The following TUSC3 variants were observed in gnomAD, a reference collection of about 807,000 sequenced individuals.
TUSC3 encodes the protein tumor suppressor candidate 3.
In TUSC3, 45 loss-of-function variants were observed where a neutral mutation model predicts 44.8. The ratio of observed to expected loss-of-function variants is 1.00; its 90% CI spans 0.79 to 1.29. TUSC3 has a LOEUF of 1.29. Ranked by LOEUF, TUSC3 falls within the 50% of genes most tolerant of loss-of-function variation. The pLI, the probability that TUSC3 is intolerant of heterozygous loss-of-function variation, is 0.00. For synonymous variants in TUSC3, 212 were observed against 152.9 expected (o/e 1.39, Z -2.85); for missense variants, 519 against 437.9 (o/e 1.19, Z -1.65).
intron 1 of TUSC3, among the ~76,000 whole-genome samples, chr8:15,474,061 G>T (rs145133124): frequency 3.3e-5 from 5 of 151,884 alleles, no homozygotes; most frequent in African/African-American, 1.2e-4. Flanking sequence ...TCTTCCCCAC[G>T]GTATTAATTA....
intron 1 of TUSC3, among the ~76,000 whole-genome samples, chr8:15,581,904 C>CATCA (rs1563301707): frequency 4.9e-4 from 71 of 143,716 alleles, no homozygotes; most frequent in African/African-American, 1.9e-3. Context: ...GCCCCTCCCC[C>CATCA]AGCCTCGCTG....
At chr8:15,783,874 ATCT>A in the TUSC3 span, among the ~76,000 whole-genome samples, 7 of 152,342 alleles carry the variant, frequency 4.6e-5, no homozygotes, top group Admixed American at 2.0e-4. Context: ...GTGAAACAAA[ATCT>A]TCTGCATAGC....
chr8:15,636,479 T>C (rs1052220925), intron 2 of TUSC3, among the ~76,000 whole-genome samples: 3 of 152,148 alleles, frequency 2.0e-5, no homozygotes, highest in Non-Finnish European at 4.4e-5. Flanking sequence ...ATAGAGATAT[T>C]AGGCATTTGT....
At chr8:15,809,390 T>C in the TUSC3 span, among the ~76,000 whole-genome samples, 29,354 of 152,108 alleles carry the variant, frequency 0.19, 3,140 homozygotes, top group Middle Eastern at 0.28. Context: ...CTTGCCTATC[T>C]GTGGGAATAG....
At chr8:15,537,787 C>T (rs879277851), upstream of TUSC3, among the ~76,000 whole-genome samples, 2 of 151,994 alleles carry the variant, frequency 1.3e-5, no homozygotes, top group South Asian at 4.2e-4. Context: ...GAAATTACCA[C>T]AAGTTGGGGA....
chr8:15,678,239 C>T (rs141882877), intron 6 of TUSC3, among the ~76,000 whole-genome samples: 311 of 152,252 alleles, frequency 2.0e-3, no homozygotes, highest in African/African-American at 7.1e-3. Context: ...TTCTCCAGCA[C>T]TGGTGGACTT....
At chr8:15,721,913 A>G (rs138455315) in intron 6 of TUSC3, among the ~76,000 whole-genome samples, 33 of 152,000 alleles carry the variant, frequency 2.2e-4, no homozygotes, top group African/African-American at 7.7e-4. Context: ...ATATATACAA[A>G]TATATAGTAT....
At chr8:15,702,585 A>G (rs1348731914) in intron 6 of TUSC3, among the ~76,000 whole-genome samples, 1 of 151,976 alleles carries the variant, frequency 6.6e-6, no homozygotes, top group Non-Finnish European at 1.5e-5. Context: ...TCATCATGCC[A>G]CAGATTGGTA....
At chr8:15,807,823 G>A in the TUSC3 span, among the ~76,000 whole-genome samples, 1 of 152,126 alleles carries the variant, frequency 6.6e-6, no homozygotes, top group African/African-American at 2.4e-5. Flanking sequence ...GAGAACTCAT[G>A]AACATAAATA....
chr8:15,504,887 T>G (rs1376733419), intron 2 of TUSC3, among the ~76,000 whole-genome samples: 3 of 151,660 alleles, frequency 2.0e-5, no homozygotes, highest in Non-Finnish European at 2.9e-5. Flanking sequence ...CTCCTAACAT[T>G]GTGATTCGCC....
intron 5 of TUSC3, among the ~76,000 whole-genome samples, chr8:15,668,604 C>T (rs558456086): frequency 1.3e-5 from 2 of 151,556 alleles, no homozygotes; most frequent in Non-Finnish European, 3.0e-5. Flanking sequence ...GAACATATGT[C>T]CAAAATCTTG....
chr8:15,639,518 TG>T, intron 2 of TUSC3, among the ~76,000 whole-genome samples: 1 of 152,298 alleles, frequency 6.6e-6, no homozygotes, highest in Admixed American at 6.5e-5. Context: ...CTGAAATAAA[TG>T]AAAAAATGAC....
At chr8:15,533,587 G>A (rs1431373380) in intron 2 of TUSC3, among the ~76,000 whole-genome samples, 1 of 152,142 alleles carries the variant, frequency 6.6e-6, no homozygotes, top group Non-Finnish European at 1.5e-5. Flanking sequence ...CTTTGTTGCT[G>A]TCTTATTTTG....
intron 1 of TUSC3, among the ~76,000 whole-genome samples, chr8:15,431,613 G>A (rs1365715002): frequency 1.3e-5 from 2 of 148,304 alleles, no homozygotes; most frequent in Admixed American, 1.3e-4. Flanking sequence ...ATTATGTCTT[G>A]TACAAACAGA....
chr8:15,684,670 C>G (rs528729117), intron 6 of TUSC3, among the ~76,000 whole-genome samples: 54 of 152,258 alleles, frequency 3.5e-4, no homozygotes, highest in African/African-American at 1.3e-3. Flanking sequence ...GAGCCCATGC[C>G]ACAGTCTTCT....
chr8:15,757,991 C>T (rs550602621), intron 10 of TUSC3, 136 bp downstream of exon 10: 10 of 1,467,172 alleles, frequency 6.8e-6, no homozygotes, highest in Non-Finnish European at 9.0e-6. Flanking sequence ...TGTGAGATTC[C>T]ATATTCCAGT....
intron 2 of TUSC3, among the ~76,000 whole-genome samples, chr8:15,506,717 C>T (rs188307043): frequency 6.6e-6 from 1 of 152,262 alleles, no homozygotes; most frequent in East Asian, 1.9e-4. Flanking sequence ...AAAAACCCGT[C>T]CCCATGATTC....
chr8:15,582,103 C>A (rs979341777), intron 1 of TUSC3, among the ~76,000 whole-genome samples: 1 of 150,740 alleles, frequency 6.6e-6, no homozygotes, highest in East Asian at 2.0e-4. Flanking sequence ...TTCTTTGACT[C>A]GGAAAGGGAA....
intron 1 of TUSC3, among the ~76,000 whole-genome samples, chr8:15,477,683 T>G (rs1339951230): frequency 3.3e-5 from 5 of 152,108 alleles, no homozygotes; most frequent in Admixed American, 3.3e-4. Flanking sequence ...GATTGTGTAC[T>G]GCACTCCAGC....
Sources: gnomAD v4.1 joint callset for allele counts (sites outside exome capture counted in the v4.1 genomes callset) on GRCh38, gnomAD v4.1.1 for gene constraint, MANE v1.5 for transcripts, NCBI Gene and HGNC (gene_info 2026-07-23, HGNC 2026-07-21) for gene names.